Variants in FKTN observed in about 807,000 individuals in gnomAD.
FKTN encodes ribitol-5-phosphate transferase FKTN.
FKTN carries 47 observed loss-of-function variants against 58.6 expected under a neutral mutation model. The ratio of observed to expected loss-of-function variants is 0.80; its 90% CI spans 0.63 to 1.02. The LOEUF is 1.02. Among genes scored for constraint, FKTN ranks in the 50% least tolerant of loss-of-function variants. The probability of loss-of-function intolerance (pLI) is 0.00; values close to 1 mark genes in which losing one functional copy is unlikely to be tolerated. For synonymous variants in FKTN, 178 were observed against 191.9 expected (o/e 0.93, Z 0.60); for missense variants, 516 against 537.3 (o/e 0.96, Z 0.39).
chr9:105,621,038 C>T (rs946133523), intron 10 of FKTN, among the ~76,000 whole-genome samples: 4 of 152,010 alleles, frequency 2.6e-5, no homozygotes, highest in African/African-American at 4.8e-5. Context: ...TGACATGATC[C>T]GAAACCTGCA....
At chr9:105,612,799 T>C (rs970112369) in intron 7 of FKTN, among the ~76,000 whole-genome samples, 3 of 152,098 alleles carry the variant, frequency 2.0e-5, no homozygotes, top group Non-Finnish European at 2.9e-5. Context: ...ACCCCGGCTC[T>C]ACAAAACACA....
intron 7 of FKTN, among the ~76,000 whole-genome samples, chr9:105,612,995 A>G (rs943754400): frequency 6.6e-6 from 1 of 152,006 alleles, no homozygotes; most frequent in Admixed American, 6.6e-5. Flanking sequence ...GGAATTTCTG[A>G]GAGTGTCATG....
chr9:105,614,132 A>G (rs961914877), intron 7 of FKTN, among the ~76,000 whole-genome samples: 3 of 152,224 alleles, frequency 2.0e-5, no homozygotes, highest in Non-Finnish European at 4.4e-5. Context: ...GTCCACCAGG[A>G]CAAGAAGTTT....
intron 7 of FKTN, among the ~76,000 whole-genome samples, chr9:105,608,864 G>A (rs1205500155): frequency 6.6e-6 from 1 of 152,208 alleles, no homozygotes; most frequent in Non-Finnish European, 1.5e-5. Context: ...CCACATGTGT[G>A]GATGGGCCTA....
At chr9:105,619,304 G>C (rs1368954576) in intron 9 of FKTN, among the ~76,000 whole-genome samples, 1 of 152,126 alleles carries the variant, frequency 6.6e-6, no homozygotes. Context: ...CTAATTGGGA[G>C]GGGGAAAGGC....
chr9:105,584,548 A>G (rs1387893839), intron 3 of FKTN, among the ~76,000 whole-genome samples: 8 of 152,162 alleles, frequency 5.3e-5, no homozygotes, highest in Non-Finnish European at 1.2e-4. Flanking sequence ...GAGTGGGTGC[A>G]GTGGCTCACA....
chr9:105,570,737 T>A (rs1263274206), intron 1 of FKTN, among the ~76,000 whole-genome samples: 1 of 152,142 alleles, frequency 6.6e-6, no homozygotes, highest in Admixed American at 6.5e-5. Context: ...ACAGTAACTG[T>A]TTATTTGTTG....
intron 1 of FKTN, among the ~76,000 whole-genome samples, chr9:105,568,584 A>G (rs1446012512): frequency 6.6e-6 from 1 of 152,246 alleles, no homozygotes; most frequent in East Asian, 1.9e-4. Context: ...CAAAACCATG[A>G]TAAGATACCA....
chr9:105,590,154 G>C (rs1844611853), intron 3 of FKTN, among the ~76,000 whole-genome samples: 1 of 152,160 alleles, frequency 6.6e-6, no homozygotes, highest in South Asian at 2.1e-4. Context: ...ATGTGCTGGG[G>C]GGGGACCTGG....
At position 105,634,413 on chromosome 9, in the gene FKTN, C is replaced by T. The variant is rs1833837746; in HGVS notation, c.1173-638C>T. Among the ~76,000 whole-genome samples, 3 of 152,226 alleles carry T rather than the reference C, an allele frequency of 2.0e-5. No individual in the cohort carries two copies. The East Asian group carries it at 5.8e-4, about 29-fold the overall frequency. ...CCTCCCAAAGAGCTGGGATTACAGG[C>T]GGGAGCCACCACGACCGGCCTGGTT... On this transcript the variant is annotated intron_variant, in intron 10 of 10. Coordinates refer to ENST00000357998, the MANE Select transcript of FKTN (RefSeq NM_001079802.2).
At chr9:105,597,069 A>G (rs1467007351) in intron 4 of FKTN, among the ~76,000 whole-genome samples, 1 of 152,228 alleles carries the variant, frequency 6.6e-6, no homozygotes, top group Non-Finnish European at 1.5e-5. Context: ...TTCCTTTATA[A>G]GATGAGGGGA....
At chr9:105,573,309 A>G (rs1267296813) in intron 1 of FKTN, among the ~76,000 whole-genome samples, 1 of 151,928 alleles carries the variant, frequency 6.6e-6, no homozygotes, top group South Asian at 2.1e-4. Flanking sequence ...AATATTTAAG[A>G]AAACCTTCTG....
chr9:105,610,895 A>T (rs568526666), intron 7 of FKTN, among the ~76,000 whole-genome samples: 1 of 152,072 alleles, frequency 6.6e-6, no homozygotes, highest in Admixed American at 6.5e-5. Flanking sequence ...TCAATCTACC[A>T]TGAAGTTCAA....
rs1423596433 is a variant in FKTN at position 105,638,865 on chromosome 9, C to T, written c.*3601C>T. ...CATTGTTTTTATTCTTACACGACTA[C>T]AGTACTTCAAATGGCACATAGATAG... On this transcript the variant is annotated 3_prime_UTR_variant, in exon 11 of 11. Coordinates refer to ENST00000357998, the MANE Select transcript of FKTN (RefSeq NM_001079802.2). 1.6e-5 allele frequency: 16 copies of T among 984,560 alleles called. No individual in the cohort carries two copies. The highest frequency in any genetic ancestry group is 1.9e-5 in the Non-Finnish European group (16 of 829,346). 61.0% of individuals were successfully genotyped at this position (984,560 alleles called of 1,614,324 possible). A position where few individuals can be genotyped will look rare whatever the true frequency, so the allele number is the denominator to read the frequency against.
chr9:105,631,460 A>AT (rs1833432569), intron 10 of FKTN, among the ~76,000 whole-genome samples: 1 of 152,196 alleles, frequency 6.6e-6, no homozygotes, highest in Non-Finnish European at 1.5e-5. Flanking sequence ...AGTTTAAAAA[A>AT]GCCAGGTTCG....
intron 3 of FKTN, among the ~76,000 whole-genome samples, chr9:105,583,956 A>C (rs546677316): frequency 6.6e-6 from 1 of 152,222 alleles, no homozygotes; most frequent in Non-Finnish European, 1.5e-5. Flanking sequence ...CATCTTAATT[A>C]TATATTAAAT....
chr9:105,605,450 G>A (rs1216895743), intron 6 of FKTN, among the ~76,000 whole-genome samples: 1 of 152,022 alleles, frequency 6.6e-6, no homozygotes, highest in Non-Finnish European at 1.5e-5. Flanking sequence ...AGTAAGTTTG[G>A]AAACTGTATT....
chr9:105,563,430 G>A (rs1230280833), intron 1 of FKTN, among the ~76,000 whole-genome samples: 1 of 152,188 alleles, frequency 6.6e-6, no homozygotes, highest in Non-Finnish European at 1.5e-5. Flanking sequence ...AATGGCACCT[G>A]GAAAATCGGG....
At chr9:105,623,315 A>C (rs1321118885) in intron 10 of FKTN, 1 of 152,180 alleles carries the variant, frequency 6.6e-6, no homozygotes, top group Non-Finnish European at 1.5e-5. Context: ...CCTCACAATA[A>C]GTTTATAAAG....
Sources: gnomAD v4.1 joint callset for allele counts (sites outside exome capture counted in the v4.1 genomes callset) on GRCh38, gnomAD v4.1.1 for gene constraint, MANE v1.5 for transcripts, NCBI Gene and HGNC (gene_info 2026-07-23, HGNC 2026-07-21) for gene names.